ENOX1: variants seen among roughly 807,000 people sequenced by gnomAD.
ENOX1 encodes candidate growth-related and time keeping constitutive hydroquinone (NADH) oxidase.
A neutral mutation model predicts 82.5 loss-of-function variants in ENOX1; 42 were observed. That is an observed-to-expected ratio of 0.51 (90% CI 0.40 to 0.66). ENOX1 has a LOEUF of 0.66. Among genes scored for constraint, ENOX1 ranks in the 30% least tolerant of loss-of-function variants. The pLI, the probability that ENOX1 is intolerant of heterozygous loss-of-function variation, is 0.00. For synonymous variants in ENOX1, 271 were observed against 282.2 expected (o/e 0.96, Z 0.40); for missense variants, 608 against 811.6 (o/e 0.75, Z 3.05).
chr13:43,291,974 C>T (rs1225176348), intron 12 of ENOX1, among the ~76,000 whole-genome samples: 2 of 152,134 alleles, frequency 1.3e-5, no homozygotes, highest in Non-Finnish European at 2.9e-5. Context: ...CGCAGCAGAT[C>T]CAGACACAGC....
chr13:43,711,777 T>C (rs960951206), intron 1 of ENOX1, among the ~76,000 whole-genome samples: 5 of 151,752 alleles, frequency 3.3e-5, no homozygotes, highest in Admixed American at 1.3e-4. Flanking sequence ...TGTTTGTTTT[T>C]TTCTTGTAAA....
At chr13:43,674,339 T>C (rs1236161252) in intron 1 of ENOX1, among the ~76,000 whole-genome samples, 1 of 151,842 alleles carries the variant, frequency 6.6e-6, no homozygotes, top group Non-Finnish European at 1.5e-5. Flanking sequence ...ATGAAGAAAA[T>C]GCAACAGGGT....
intron 15 of ENOX1, among the ~76,000 whole-genome samples, chr13:43,228,809 A>AT (rs1162868496): frequency 1.3e-5 from 2 of 152,246 alleles, no homozygotes. Context: ...AGCAACACAG[A>AT]TAATAAACAC....
At chr13:43,448,167 T>C (rs904090114) in intron 3 of ENOX1, among the ~76,000 whole-genome samples, 2 of 152,262 alleles carry the variant, frequency 1.3e-5, no homozygotes, top group Non-Finnish European at 2.9e-5. Flanking sequence ...TTAATCAACA[T>C]GAACCTTGTA....
At chr13:43,668,377 C>T (rs995310987) in intron 1 of ENOX1, among the ~76,000 whole-genome samples, 3 of 152,164 alleles carry the variant, frequency 2.0e-5, no homozygotes, top group Non-Finnish European at 4.4e-5. Context: ...TCAAGACCAT[C>T]CTCTGGTATC....
At chr13:43,410,976 G>A (rs1478901176) in intron 5 of ENOX1, among the ~76,000 whole-genome samples, 1 of 152,120 alleles carries the variant, frequency 6.6e-6, no homozygotes, top group African/African-American at 2.4e-5. Flanking sequence ...ACCAGACAGC[G>A]GCTCAATGAG....
intron 2 of ENOX1, among the ~76,000 whole-genome samples, chr13:43,641,145 G>A (rs1033766098): frequency 6.6e-6 from 1 of 152,010 alleles, no homozygotes; most frequent in Non-Finnish European, 1.5e-5. Flanking sequence ...AGATTTGGAG[G>A]GGCATCAAGG....
chr13:43,612,861 C>A (rs989607797), intron 2 of ENOX1, among the ~76,000 whole-genome samples: 3 of 19,438 alleles, frequency 1.5e-4, no homozygotes, highest in East Asian at 5.2e-3. Flanking sequence ...TTTCTTTACT[C>A]ACTTCATCAT....
chr13:43,435,489 C>T (rs2055965795), intron 3 of ENOX1, among the ~76,000 whole-genome samples: 1 of 152,220 alleles, frequency 6.6e-6, no homozygotes, highest in South Asian at 2.1e-4. Context: ...GACCACGGCA[C>T]CAAGCTTCAG....
chr13:43,376,222 C>G (rs990990352), intron 5 of ENOX1, among the ~76,000 whole-genome samples: 2 of 152,206 alleles, frequency 1.3e-5, no homozygotes, highest in Non-Finnish European at 2.9e-5. Context: ...TAACTTCCTT[C>G]TATCAGAGAG....
In ENOX1 at chr13:43,723,415, T is replaced by C. The variant is rs150995687; in HGVS notation, c.-284-55871A>G. Among the ~76,000 whole-genome samples, 1,397 of 152,306 alleles carry C rather than the reference T, an allele frequency of 9.2e-3. 8 individuals carry two copies. Among genetic ancestry groups the C allele is most frequent in the Middle Eastern group, 0.027 (8 of 294 alleles). On this transcript the variant is annotated intron_variant, in intron 1 of 16. Transcript: ENST00000690772. Reference sequence around the variant, plus strand: ...TTGTCAAAAAAATTACTCAGGAGCCTTGTAAGTACTCTGTATTCTACCTGT... The same window carrying C: ...TTGTCAAAAAAATTACTCAGGAGCCCTGTAAGTACTCTGTATTCTACCTGT...
chr13:43,382,596 T>C (rs1156307260), intron 5 of ENOX1, among the ~76,000 whole-genome samples: 1 of 152,096 alleles, frequency 6.6e-6, no homozygotes, highest in African/African-American at 2.4e-5. Flanking sequence ...AGAAGATCAG[T>C]GGTTGTCTCA....
At chr13:43,446,761 C>T (rs1410847009) in intron 3 of ENOX1, among the ~76,000 whole-genome samples, 1 of 152,212 alleles carries the variant, frequency 6.6e-6, no homozygotes, top group Non-Finnish European at 1.5e-5. Context: ...TCATGTGCCC[C>T]AAATTGTCCT....
chr13:43,540,032 C>T (rs143487120), intron 2 of ENOX1, among the ~76,000 whole-genome samples: 47 of 152,200 alleles, frequency 3.1e-4, no homozygotes, highest in African/African-American at 1.1e-3. Context: ...TGACTTTCAA[C>T]CTTTTTACAC....
intron 1 of ENOX1, among the ~76,000 whole-genome samples, chr13:43,732,993 A>C (rs1282094813): frequency 2.6e-5 from 4 of 152,166 alleles, no homozygotes; most frequent in Non-Finnish European, 5.9e-5. Context: ...AAGACGGCCC[A>C]CACCTAACTG....
intron 3 of ENOX1, among the ~76,000 whole-genome samples, chr13:43,462,419 A>T (rs1331432200): frequency 6.6e-6 from 1 of 152,250 alleles, no homozygotes; most frequent in Non-Finnish European, 1.5e-5. Flanking sequence ...TGGCAAAATT[A>T]ACATTTAGAA....
At chr13:43,406,602 C>T (rs1362552749) in intron 5 of ENOX1, among the ~76,000 whole-genome samples, 3 of 151,666 alleles carry the variant, frequency 2.0e-5, no homozygotes, top group Non-Finnish European at 4.4e-5. Context: ...ACGCCATTCT[C>T]CTGCCTCAGC....
At chr13:43,317,842 A>G (rs1383045548) in intron 11 of ENOX1, among the ~76,000 whole-genome samples, 1 of 151,946 alleles carries the variant, frequency 6.6e-6, no homozygotes, top group African/African-American at 2.4e-5. Flanking sequence ...CGTCTCTACT[A>G]AAAATACAAA....
At chr13:43,240,073 A>G (rs2042742129) in intron 14 of ENOX1, among the ~76,000 whole-genome samples, 2 of 152,196 alleles carry the variant, frequency 1.3e-5, no homozygotes, top group Non-Finnish European at 2.9e-5. Flanking sequence ...TTGTCAAAAG[A>G]GCTCCATCAT....
Sources: gnomAD v4.1 joint callset for allele counts (sites outside exome capture counted in the v4.1 genomes callset) on GRCh38, gnomAD v4.1.1 for gene constraint, MANE v1.5 for transcripts, NCBI Gene and HGNC (gene_info 2026-07-23, HGNC 2026-07-21) for gene names.